GCH1: variants seen among roughly 807,000 people sequenced by gnomAD.
GCH1 encodes the protein GTP cyclohydrolase I.
A neutral mutation model predicts 25.9 loss-of-function variants in GCH1; 5 were observed. The ratio of observed to expected loss-of-function variants is 0.19; its 90% CI spans 0.10 to 0.41. GCH1 has a LOEUF of 0.41. GCH1 is among the 10% of genes least tolerant of loss of function. The pLI is 1.00. For missense variants in GCH1, 261 were observed against 336.5 expected (o/e 0.78, Z 1.75); for synonymous variants, 159 against 129.6 (o/e 1.23, Z -1.54).
intron 3 of GCH1, chr14:54,859,370 T>A: frequency 2.7e-6 from 1 of 367,752 alleles, no homozygotes; most frequent in South Asian, 2.8e-5. Flanking sequence ...CCTTAAAGGA[T>A]GGGGCTGGAC....
In GCH1 at chr14:54,875,717, C is replaced by A. The variant is rs548574307; in HGVS notation, c.344-10281G>T. ...GAACAGACACTTCTCAAAAGAAGACCTTTATGCAGCCAAAAGACACATGAA... is the reference window on the plus strand; with the variant it reads ...GAACAGACACTTCTCAAAAGAAGACATTTATGCAGCCAAAAGACACATGAA... On this transcript the variant is annotated intron_variant, in intron 1 of 5. Transcript: ENST00000491895. Among the ~76,000 whole-genome samples the A allele has an allele frequency of 2.2e-4, 34 of 152,238 alleles. No individual in the cohort carries two copies. The South Asian group carries it at 3.7e-3, about 17-fold the overall frequency.
intron 2 of GCH1, among the ~76,000 whole-genome samples, chr14:54,863,421 CAAAAAAAAAAAAAAAA>C (rs755639452): frequency 1.2e-4 from 1 of 8,328 alleles, no homozygotes; most frequent in Admixed American, 1.6e-3. Flanking sequence ...GACTCCGTCT[CAAAAAAAAAAAAAAAA>C]AAAAAAAAAA....
intron 1 of GCH1, among the ~76,000 whole-genome samples, chr14:54,884,497 C>T (rs1211731015): frequency 6.6e-6 from 1 of 152,102 alleles, no homozygotes; most frequent in African/African-American, 2.4e-5. Context: ...AGGCCGGGCG[C>T]AGTGGCTCAC....
At chr14:54,874,272 T>G (rs1365251466) in intron 1 of GCH1, among the ~76,000 whole-genome samples, 2 of 152,032 alleles carry the variant, frequency 1.3e-5, no homozygotes, top group Non-Finnish European at 2.9e-5. Context: ...TACAGAAAAG[T>G]CCTGTGACAA....
rs2039712426 is a variant in GCH1, at chr14:54,850,508, C to CT, written c.510-3379dup. Among the ~76,000 whole-genome samples, 4 of 151,772 alleles carry CT rather than the reference C, an allele frequency of 2.6e-5. No homozygotes were observed. In the South Asian group the frequency reaches 8.3e-4, roughly 32 times the overall value. Reference sequence around the variant, plus strand: ...GTTTTTTTTTTTAATTATTATTATACTTTAAGTTCTAGGGTACATGTGCAC... The same window carrying CT: ...GTTTTTTTTTTTAATTATTATTATACTTTTAAGTTCTAGGGTACATGTGCAC... On this transcript the variant is annotated intron_variant, in intron 3 of 5. Coordinates refer to ENST00000491895, the MANE Select transcript of GCH1 (RefSeq NM_000161.3).
At chr14:54,889,656 C>G (rs928424688) in intron 1 of GCH1, among the ~76,000 whole-genome samples, 1 of 152,172 alleles carries the variant, frequency 6.6e-6, no homozygotes, top group African/African-American at 2.4e-5. Context: ...CAAGAGGCAG[C>G]AGCCACCTCC....
At chr14:54,858,350 A>G (rs1428741171) in intron 3 of GCH1, among the ~76,000 whole-genome samples, 2 of 152,166 alleles carry the variant, frequency 1.3e-5, no homozygotes, top group Admixed American at 6.5e-5. Context: ...CAATGGCACA[A>G]TCTCGGCTCA....
At chr14:54,852,292 A>G (rs959028024) in intron 3 of GCH1, among the ~76,000 whole-genome samples, 2 of 152,244 alleles carry the variant, frequency 1.3e-5, no homozygotes, top group African/African-American at 4.8e-5. Context: ...ATTAAACACT[A>G]AAATAAATGT....
intron 1 of GCH1, among the ~76,000 whole-genome samples, chr14:54,887,921 T>C (rs1329430426): frequency 6.6e-6 from 1 of 152,190 alleles, no homozygotes; most frequent in Non-Finnish European, 1.5e-5. Context: ...TGAATATTAG[T>C]TTTTTCGGTA....
rs145762799 is a variant in GCH1, at chr14:54,843,122, AAAGAAG to A, written c.*889_*894del. ...GAAAAATATCTTATAAGATTAAAAA[AAAGAAG>A]AAGAAGAAACATTTTGAGGCATCTA... On this transcript the variant is annotated 3_prime_UTR_variant, in exon 6 of 6. Coordinates refer to ENST00000491895, the MANE Select transcript of GCH1 (RefSeq NM_000161.3). 3.3e-6 allele frequency: 5 copies of A among 1,509,594 alleles called. No individual in the cohort carries two copies. The African/African-American group carries it at 5.6e-5, about 17-fold the overall frequency. The allele number at this position is 1,509,594 out of a possible 1,614,324, so 93.5% of individuals were successfully genotyped here.
intron 2 of GCH1, among the ~76,000 whole-genome samples, chr14:54,860,069 G>A (rs1046139958): frequency 1.3e-5 from 2 of 152,026 alleles, no homozygotes; most frequent in African/African-American, 2.4e-5. Context: ...TCCCGCAGTC[G>A]GCCCTGCAGA....
At chr14:54,896,477 A>AG (rs2040484537) in intron 1 of GCH1, among the ~76,000 whole-genome samples, 1 of 70,036 alleles carries the variant, frequency 1.4e-5, no homozygotes, top group African/African-American at 1.3e-4. Context: ...ATATCTCTTT[A>AG]AAAAAAAAAA....
chr14:54,862,526 G>C (rs1186411812), intron 2 of GCH1, among the ~76,000 whole-genome samples: 2 of 149,978 alleles, frequency 1.3e-5, no homozygotes, highest in African/African-American at 4.9e-5. Context: ...GAGACCACAG[G>C]TGCATGCCAC....
chr14:54,861,192 C>G (rs1369600947), intron 2 of GCH1, among the ~76,000 whole-genome samples: 1 of 152,098 alleles, frequency 6.6e-6, no homozygotes, highest in African/African-American at 2.4e-5. Context: ...TTCCCCCATC[C>G]ATTGGCACTA....
At chr14:54,871,023 G>A (rs921268801) in intron 1 of GCH1, among the ~76,000 whole-genome samples, 2 of 152,208 alleles carry the variant, frequency 1.3e-5, no homozygotes, top group African/African-American at 4.8e-5. Context: ...CATGCAGCCT[G>A]AGATCTGAGA....
At position 54,875,200 on chromosome 14, in the gene GCH1, C is replaced by A. The variant is rs376337892; in HGVS notation, c.344-9764G>T. 1.4e-3 allele frequency among the ~76,000 whole-genome samples: 208 copies of A among 152,252 alleles called. 5 individuals are homozygous for A. In the South Asian group the frequency reaches 0.039, roughly 29 times the overall value. On this transcript the variant is annotated intron_variant, in intron 1 of 5. Coordinates refer to ENST00000491895, the MANE Select transcript of GCH1 (RefSeq NM_000161.3). The stretch of plus-strand genomic sequence containing the variant: ...TACAACCATCCGATCTTTGACAAAC[C>A]TGACAAAAACAAGAAATGGGGAAAG...
intron 5 of GCH1, among the ~76,000 whole-genome samples, chr14:54,844,376 G>A (rs1245556180): frequency 6.6e-6 from 1 of 152,164 alleles, no homozygotes; most frequent in Admixed American, 6.6e-5. Context: ...TTTTGTTCTT[G>A]AAGTTGTCTT....
intron 1 of GCH1, among the ~76,000 whole-genome samples, chr14:54,900,247 T>C (rs2040544705): frequency 6.6e-6 from 1 of 151,766 alleles, no homozygotes; most frequent in Admixed American, 6.6e-5. Context: ...TCTCCCTCTG[T>C]CGTCCAGGCT....
At chr14:54,850,568 C>A (rs532413562) in intron 3 of GCH1, among the ~76,000 whole-genome samples, 40 of 152,146 alleles carry the variant, frequency 2.6e-4, no homozygotes, top group Non-Finnish European at 4.9e-4. Context: ...ATGTAAGTGC[C>A]ACGTTGGTGT....
Sources: gnomAD v4.1 joint callset for allele counts (sites outside exome capture counted in the v4.1 genomes callset) on GRCh38, gnomAD v4.1.1 for gene constraint, MANE v1.5 for transcripts, NCBI Gene and HGNC (gene_info 2026-07-23, HGNC 2026-07-21) for gene names.